Variants in CEMIP observed in about 807,000 individuals in gnomAD.
The protein encoded by CEMIP is cell migration inducing hyaluronidase 1, also known as cell migration-inducing and hyaluronan-binding protein.
In CEMIP, 105 loss-of-function variants were observed where a neutral mutation model predicts 156.9. The ratio of observed to expected loss-of-function variants is 0.67; its 90% CI spans 0.57 to 0.79. The LOEUF is 0.79. Ranked by LOEUF, CEMIP falls within the 30% of genes least tolerant of loss-of-function variation. The pLI is 0.00. For synonymous variants in CEMIP, 676 were observed against 668.4 expected (o/e 1.01, Z -0.17); for missense variants, 1,457 against 1,769.4 (o/e 0.82, Z 3.17).
chr15:80,917,108 A>G (rs1016172962), intron 14 of CEMIP, among the ~76,000 whole-genome samples: 1 of 152,234 alleles, frequency 6.6e-6, no homozygotes, highest in Non-Finnish European at 1.5e-5. Context: ...TCCAATAAAC[A>G]GCGGTCATTT....
chr15:80,881,003 A>T lies in CEMIP; in HGVS notation c.484A>T (p.Thr162Ser). 1 of 1,614,234 alleles carries T rather than the reference A, an allele frequency of 6.2e-7. No homozygotes were observed. Among genetic ancestry groups the T allele is most frequent in the Middle Eastern group, 1.6e-4 (1 of 6,062 alleles). Residue 162 changes from threonine to serine, a missense_variant, in exon 6 of 30, where the codon ACA (threonine) becomes TCA (serine). Transcript: ENST00000394685. ...GCATGGACAGAAAAAGCTCTCCTGG[A>T]CATTTCTGAACAAGACCCTTCACCC... ...ELHGQKKLSW[T>S]FLNKTLHPGG...
intron 28 of CEMIP, among the ~76,000 whole-genome samples, chr15:80,946,019 T>C (rs1328849266): frequency 6.6e-6 from 1 of 152,244 alleles, no homozygotes; most frequent in Admixed American, 6.5e-5. Context: ...TCTGAGATAC[T>C]TGGTAACTAT....
chr15:80,900,638 G>GTGTGTGTGTCTGTGTGTGTGTC (rs1567090935), intron 12 of CEMIP, among the ~76,000 whole-genome samples: 246 of 101,742 alleles, frequency 2.4e-3, no homozygotes, highest in Middle Eastern at 0.017. Context: ...GTGTGTGTGT[G>GTGTGTGTGTCTGTGTGTGTGTC]TGTGTGTGTG....
chr15:80,869,208 G>A (rs569538383), intron 1 of CEMIP, among the ~76,000 whole-genome samples: 2 of 152,242 alleles, frequency 1.3e-5, no homozygotes, highest in South Asian at 2.1e-4. Flanking sequence ...GGGCCCACCC[G>A]TATGACCTCA....
At chr15:80,790,948 A>G (rs755236653) in intron 1 of CEMIP, among the ~76,000 whole-genome samples, 12 of 152,194 alleles carry the variant, frequency 7.9e-5, no homozygotes, top group Non-Finnish European at 1.5e-4. Context: ...AGCAATATGG[A>G]AGCACTACAA....
intron 1 of CEMIP, among the ~76,000 whole-genome samples, chr15:80,847,797 G>A (rs1175246217): frequency 6.6e-6 from 1 of 152,230 alleles, no homozygotes; most frequent in African/African-American, 2.4e-5. Context: ...GGCGCTGTGG[G>A]TGGCAGGATG....
intron 1 of CEMIP, chr15:80,841,952 G>T (rs778501898): frequency 1.0e-5 from 3 of 300,038 alleles, no homozygotes; most frequent in Admixed American, 4.4e-5. Flanking sequence ...TACATACAAA[G>T]ATGCATGGAA....
intron 28 of CEMIP, among the ~76,000 whole-genome samples, chr15:80,945,015 G>C (rs1486858932): frequency 6.6e-6 from 1 of 152,224 alleles, no homozygotes; most frequent in Non-Finnish European, 1.5e-5. Context: ...AGGCAAGGTA[G>C]ATCCTGTTCT....
At chr15:80,890,570 G>A (rs1326621950) in intron 10 of CEMIP, among the ~76,000 whole-genome samples, 2 of 146,502 alleles carry the variant, frequency 1.4e-5, no homozygotes, top group African/African-American at 2.6e-5. Flanking sequence ...CTGGGTGACC[G>A]AGCAAGACTC....
Position 80,839,119 on chromosome 15 carries a change from G to A in CEMIP, c.-175-34419G>A, listed in dbSNP as rs1596124273. On this transcript the variant is annotated intron_variant, in intron 1 of 29. Transcript: ENST00000394685. ...GGTGTTCGGGGTAGCAGGAGAGGAGGAGAAGCTGCTGAAGTGGTGGCAGCC... is the reference window on the plus strand; with the variant it reads ...GGTGTTCGGGGTAGCAGGAGAGGAGAAGAAGCTGCTGAAGTGGTGGCAGCC... 1.3e-5 allele frequency among the ~76,000 whole-genome samples: 2 copies of A among 152,140 alleles called. 1 individual carries two copies. The highest frequency in any genetic ancestry group is 3.9e-4 in the East Asian group (2 of 5,166).
At chr15:80,866,788 A>AG (rs1898141368) in intron 1 of CEMIP, among the ~76,000 whole-genome samples, 1 of 146,762 alleles carries the variant, frequency 6.8e-6, no homozygotes, top group African/African-American at 2.5e-5. Context: ...CTCTGTCTTA[A>AG]AAAAAAAAAA....
At chr15:80,810,637 G>A (rs1157395230) in intron 1 of CEMIP, among the ~76,000 whole-genome samples, 1 of 152,218 alleles carries the variant, frequency 6.6e-6, no homozygotes, top group Non-Finnish European at 1.5e-5. Flanking sequence ...TTACAGGCGT[G>A]AGCCACCATG....
At chr15:80,937,375 A>G (rs1901169613) in intron 24 of CEMIP, among the ~76,000 whole-genome samples, 1 of 152,228 alleles carries the variant, frequency 6.6e-6, no homozygotes, top group Admixed American at 6.5e-5. Context: ...TTGTCACAGT[A>G]TTTCTGTGAG....
At chr15:80,794,296 T>C (rs531825193) in intron 1 of CEMIP, among the ~76,000 whole-genome samples, 9 of 152,234 alleles carry the variant, frequency 5.9e-5, no homozygotes, top group African/African-American at 9.6e-5. Context: ...CAGAAGTTTT[T>C]CCTTTGCTTG....
chr15:80,811,043 T>C (rs965460029), intron 1 of CEMIP, among the ~76,000 whole-genome samples: 3 of 152,216 alleles, frequency 2.0e-5, no homozygotes, highest in Non-Finnish European at 2.9e-5. Context: ...GAACTCTAAC[T>C]ACATGCTGGG....
chr15:80,811,836 C>T (rs1596105809), intron 1 of CEMIP, among the ~76,000 whole-genome samples: 1 of 152,280 alleles, frequency 6.6e-6, no homozygotes, highest in East Asian at 1.9e-4. Context: ...GGATTACAGG[C>T]GTGAGCTACC....
At chr15:80,811,932 G>A (rs186812188) in intron 1 of CEMIP, among the ~76,000 whole-genome samples, 1 of 152,194 alleles carries the variant, frequency 6.6e-6, no homozygotes, top group Admixed American at 6.5e-5. Context: ...TTGAGTGCCA[G>A]AGAATTTACG....
intron 18 of CEMIP, among the ~76,000 whole-genome samples, chr15:80,925,244 A>G (rs1211320327): frequency 6.6e-6 from 1 of 152,254 alleles, no homozygotes; most frequent in Non-Finnish European, 1.5e-5. Flanking sequence ...AGAAGTGCTC[A>G]GAAAAGGCAC....
At position 80,909,348 on chromosome 15, in the gene CEMIP, T is replaced by C. The variant is rs147501739; in HGVS notation, c.1797+42T>C. ...CTCAGGGAACTCTGGGGATGGGCCA[T>C]GGATGGTTAGCACTGGAGGGGTGTT... On this transcript the variant is annotated intron_variant, in intron 14 of 29. Transcript: ENST00000394685. 3.1e-3 allele frequency: 4,943 copies of C among 1,597,940 alleles called. 12 individuals are homozygous for C. The highest frequency in any genetic ancestry group is 3.5e-3 in the Non-Finnish European group (4,084 of 1,165,438).
Sources: gnomAD v4.1 joint callset for allele counts (sites outside exome capture counted in the v4.1 genomes callset) on GRCh38, gnomAD v4.1.1 for gene constraint, MANE v1.5 for transcripts, NCBI Gene and HGNC (gene_info 2026-07-23, HGNC 2026-07-21) for gene names.